HMCN1: variants seen among roughly 807,000 people sequenced by gnomAD.
The protein encoded by HMCN1 is hemicentin 1.
In HMCN1, 321 loss-of-function variants were observed where a neutral mutation model predicts 625.9. That is an observed-to-expected ratio of 0.51 (90% CI 0.47 to 0.56). The LOEUF is 0.56. HMCN1 is among the 20% of genes least tolerant of loss of function. The probability of loss-of-function intolerance (pLI) is 0.00; values close to 1 mark genes in which losing one functional copy is unlikely to be tolerated. For synonymous variants in HMCN1, 2,425 were observed against 2,417.6 expected, an observed-to-expected ratio of 1.00 and a Z score of -0.09; for missense variants, 6,588 against 6,887.3, an observed-to-expected ratio of 0.96 and a Z score of 1.54.
intron 1 of HMCN1, among the ~76,000 whole-genome samples, chr1:185,808,412 C>T (rs1013152323): frequency 6.6e-6 from 1 of 151,744 alleles, no homozygotes; most frequent in African/African-American, 2.4e-5. Context: ...CTAACTATTC[C>T]AGAGGCTGAG....
chr1:186,151,497 C>CA (rs1650662039), intron 94 of HMCN1, 109 bp from the exon 95 acceptor site: 8 of 1,313,286 alleles, frequency 6.1e-6, no homozygotes, highest in Middle Eastern at 2.2e-4. Flanking sequence ...GTATTTGTTT[C>CA]TGGTATTCAA....
chr1:186,129,977 A>G lies in HMCN1; in HGVS notation c.12916A>G (p.Ser4306Gly). ...NNNIIPAHFD[S>G]VNGHSELVIE... ...CTTGTTTCCCTCAGCCCACTTTGACAGTGTGAATGGACACAGTGAACTTGT... is the reference window on the plus strand; with the variant it reads ...CTTGTTTCCCTCAGCCCACTTTGACGGTGTGAATGGACACAGTGAACTTGT... The change falls in exon 84 of 107, where the codon AGT becomes GGT. Residue 4306 changes from serine to glycine, a missense_variant. Ser to Gly is a moderately conservative substitution (Grantham distance 56). Transcript: ENST00000271588. The G allele has an allele frequency of 6.2e-7, 1 of 1,613,010 alleles. No homozygotes were observed. Among genetic ancestry groups the G allele is most frequent in the Non-Finnish European group, 8.5e-7 (1 of 1,179,214 alleles).
In HMCN1 at chr1:186,019,797, A is replaced by AT. The variant is rs375921004; in HGVS notation, c.5625+106dup. 1.1e-3 allele frequency: 1,098 copies of AT among 956,314 alleles called. 17 individuals carry two copies. The African/African-American group carries it at 0.017, about 15-fold the overall frequency. 59.2% of individuals were successfully genotyped at this position (956,314 alleles called of 1,614,324 possible). A position where few individuals can be genotyped will look rare whatever the true frequency, so the allele number is the denominator to read the frequency against. ...AACTGTAGATTTTCCTGTTGGACAG[A>AT]TTTTGCAGAAAATTTATTAAAAATA... is the stretch of plus-strand genomic sequence containing the variant. On this transcript the variant is annotated intron_variant, in intron 35 of 106. Coordinates refer to ENST00000271588, the MANE Select transcript of HMCN1 (RefSeq NM_031935.3).
At chr1:185,737,742 T>G (rs1465811759) in intron 1 of HMCN1, among the ~76,000 whole-genome samples, 1 of 152,208 alleles carries the variant, frequency 6.6e-6, no homozygotes. Context: ...TTGACATCTA[T>G]CGCATTTAGC....
At chr1:185,916,998 C>T (rs1159013432) in intron 6 of HMCN1, among the ~76,000 whole-genome samples, 1 of 152,114 alleles carries the variant, frequency 6.6e-6, no homozygotes, top group Non-Finnish European at 1.5e-5. Context: ...TCCCTTATTA[C>T]CCAGTAGGCA....
intron 89 of HMCN1, among the ~76,000 whole-genome samples, chr1:186,140,693 T>A (rs4650695): frequency 0.41 from 62,333 of 151,932 alleles, 13,370 homozygotes; most frequent in East Asian, 0.58. Context: ...CTTGAATCAG[T>A]TATTACTATG....
chr1:186,066,313 T>C (rs1249129498), intron 49 of HMCN1, among the ~76,000 whole-genome samples: 2 of 152,156 alleles, frequency 1.3e-5, no homozygotes, highest in Non-Finnish European at 2.9e-5. Flanking sequence ...ATTCATTCAT[T>C]GAAGACTGAG....
chr1:186,115,358 C>T lies in HMCN1; in HGVS notation c.11505C>T (p.Ile3835=). The change falls in exon 75 of 107, where the codon ATC becomes ATT. Residue 3835 remains isoleucine, a synonymous_variant. Coordinates refer to ENST00000271588, the MANE Select transcript of HMCN1 (RefSeq NM_031935.3). ...CTACTGGGATACCAAAACCATCAAT[C>T]AATTGGAGAAAAAATGGGCATCTTC... ...CEATGIPKPS[I]NWRKNGHLLN... is the part of the protein sequence containing the mutation. 6.2e-7 allele frequency: 1 copy of T among 1,613,880 alleles called. No homozygotes were observed. The highest frequency in any genetic ancestry group is 8.5e-7 in the Non-Finnish European group (1 of 1,179,898).
At chr1:186,148,655 C>T (rs955197965) in intron 93 of HMCN1, among the ~76,000 whole-genome samples, 1 of 152,120 alleles carries the variant, frequency 6.6e-6, no homozygotes, top group African/African-American at 2.4e-5. Context: ...GTGCCCACCA[C>T]CATGCCCAGC....
rs758335707 is a variant in HMCN1 at position 186,087,678 on chromosome 1, C to T, written c.9363+33C>T. The T allele has an allele frequency of 3.8e-6, 6 of 1,586,642 alleles. No individual in the cohort carries two copies. In the Admixed American group the frequency reaches 6.7e-5, roughly 18 times the overall value. On this transcript the variant is annotated intron_variant, in intron 60 of 106. Transcript: ENST00000271588. ...TTTTATTCTTGTTTGAGTGTCATGA[C>T]ACCTTGGTGGGGTGGTGGAAAAGAT...
At chr1:185,802,072 G>C (rs1156448144) in intron 1 of HMCN1, among the ~76,000 whole-genome samples, 1 of 152,076 alleles carries the variant, frequency 6.6e-6, no homozygotes, top group East Asian at 1.9e-4. Context: ...TTGTGGTTGA[G>C]GAGATGAGAA....
intron 16 of HMCN1, among the ~76,000 whole-genome samples, chr1:185,978,515 C>T (rs1276617485): frequency 6.6e-6 from 1 of 152,068 alleles, no homozygotes; most frequent in African/African-American, 2.4e-5. Flanking sequence ...TATTTGGAAG[C>T]ACCTTCTATT....
intron 1 of HMCN1, among the ~76,000 whole-genome samples, chr1:185,804,728 T>G (rs1659057064): frequency 6.6e-6 from 1 of 152,122 alleles, no homozygotes; most frequent in South Asian, 2.1e-4. Context: ...AAATGTGTCC[T>G]TACTTTGACC....
rs771639873 is a variant in HMCN1 at position 186,042,408 on chromosome 1, G to A, written c.6304+1272G>A. The stretch of plus-strand genomic sequence containing the variant: ...ATTAGGAAGCAAGTAGAGGGATGAC[G>A]TTGGTATTGACTGGGTTTTAGTCAC... On this transcript the variant is annotated intron_variant, in intron 40 of 106. Coordinates refer to ENST00000271588, the MANE Select transcript of HMCN1 (RefSeq NM_031935.3). 4.2e-4 allele frequency among the ~76,000 whole-genome samples: 64 copies of A among 152,282 alleles called. 1 individual carries two copies. Among genetic ancestry groups the A allele is most frequent in the Admixed American group, 1.8e-3 (27 of 15,288 alleles).
chr1:185,971,796 T>A lies in HMCN1; in HGVS notation c.2371+1303T>A, dbSNP rs550791735. Among the ~76,000 whole-genome samples, 180 of 152,298 alleles carry A rather than the reference T, an allele frequency of 1.2e-3. 2 individuals carry two copies. The highest frequency in any genetic ancestry group is 4.2e-3 in the African/African-American group (174 of 41,560). ...TGAACTGTCTGGTGAACACTCTGCATTCTTGGTGATTATGCCCTTGGGGGA... is the reference window on the plus strand; with the variant it reads ...TGAACTGTCTGGTGAACACTCTGCAATCTTGGTGATTATGCCCTTGGGGGA... On this transcript the variant is annotated intron_variant, in intron 15 of 106. Coordinates refer to ENST00000271588, the MANE Select transcript of HMCN1 (RefSeq NM_031935.3).
chr1:185,993,857 T>C (rs1652605405), intron 23 of HMCN1, among the ~76,000 whole-genome samples: 1 of 152,098 alleles, frequency 6.6e-6, no homozygotes, highest in Non-Finnish European at 1.5e-5. Context: ...ATGAAAGATA[T>C]TCAAATATCA....
At chr1:185,778,385 T>G (rs2102164671) in intron 1 of HMCN1, among the ~76,000 whole-genome samples, 1 of 152,054 alleles carries the variant, frequency 6.6e-6, no homozygotes, top group East Asian at 1.9e-4. Context: ...CTAGGGTACA[T>G]GTGCACAACA....
intron 1 of HMCN1, among the ~76,000 whole-genome samples, chr1:185,807,632 CA>C (rs550505207): frequency 3.3e-5 from 5 of 152,108 alleles, no homozygotes; most frequent in Non-Finnish European, 5.9e-5. Flanking sequence ...TGTTAAGATT[CA>C]AAAACTCCTT....
chr1:185,913,313 A>C (rs1666530624), intron 6 of HMCN1, among the ~76,000 whole-genome samples: 1 of 152,072 alleles, frequency 6.6e-6, no homozygotes, highest in Admixed American at 6.6e-5. Context: ...TATTGAGTGT[A>C]TTAGATTGAC....
Sources: allele counts gnomAD v4.1 joint callset (sites outside exome capture counted in the v4.1 genomes callset), GRCh38; gene constraint gnomAD v4.1.1; transcripts MANE v1.5; gene names NCBI Gene and HGNC (gene_info 2026-07-23, HGNC 2026-07-21).